The following NUP98 variants were observed in gnomAD, a reference collection of about 807,000 sequenced individuals.
NUP98 encodes the protein nuclear pore complex protein Nup98-Nup96.
In NUP98, 26 loss-of-function variants were observed where a neutral mutation model predicts 191.9. The ratio of observed to expected loss-of-function variants is 0.14; its 90% CI spans 0.10 to 0.19. The LOEUF (loss-of-function observed/expected upper bound fraction) is 0.19, where lower values mean the gene tolerates loss of function less well. NUP98 is among the 10% of genes least tolerant of loss of function. NUP98 has a pLI of 1.00. For missense variants in NUP98, 1,941 were observed against 2,178.8 expected, an observed-to-expected ratio of 0.89 and a Z score of 2.17; for synonymous variants, 808 against 778.4, an observed-to-expected ratio of 1.04 and a Z score of -0.63.
In NUP98 at chr11:3,676,305, C is replaced by T. The variant is rs755770462; in HGVS notation, c.5257G>A (p.Asp1753Asn). The T allele has an allele frequency of 3.7e-5, 60 of 1,614,036 alleles. No homozygotes were observed. The highest frequency in any genetic ancestry group is 3.6e-4 in the South Asian group (33 of 91,076). Residue 1753 changes from aspartate to asparagine, a missense_variant, in exon 33 of 33, where the codon GAC becomes AAC. By Grantham distance (23) the Asp-to-Asn change is conservative. Transcript: ENST00000324932. ...ACTCGCTGAGGGTCTGGTGTTGAGTCGGAGGTTCTATCAGGAGGATGATGC... is the reference window on the plus strand; with the variant it reads ...ACTCGCTGAGGGTCTGGTGTTGAGTTGGAGGTTCTATCAGGAGGATGATGC... The part of the protein sequence containing the change: ...SLHHPPDRTS[D>N]STPDPQRVPL...
chr11:3,690,840 C>A (rs1286650423), intron 28 of NUP98, among the ~76,000 whole-genome samples: 1 of 151,848 alleles, frequency 6.6e-6, no homozygotes, highest in South Asian at 2.1e-4. Context: ...TGTACCCCCG[C>A]TAAAAAAAAC....
intron 6 of NUP98, among the ~76,000 whole-genome samples, chr11:3,772,150 A>G (rs2081551678): frequency 1.3e-5 from 2 of 152,198 alleles, no homozygotes; most frequent in Admixed American, 6.5e-5. Flanking sequence ...CCAAAGAGTC[A>G]ATATCTTAAT....
At chr11:3,739,306 G>A (rs1035247649) in intron 12 of NUP98, among the ~76,000 whole-genome samples, 7 of 152,166 alleles carry the variant, frequency 4.6e-5, no homozygotes, top group African/African-American at 1.7e-4. Flanking sequence ...CTGGAGCGCA[G>A]TAGCGCGATC....
rs1265140405 is a variant in NUP98 at position 3,735,230 on chromosome 11, G to C, written c.1503C>G (p.Leu501=). 1 of 1,601,000 alleles carries C rather than the reference G, an allele frequency of 6.2e-7. No homozygotes were observed. The highest frequency in any genetic ancestry group is 8.5e-7 in the Non-Finnish European group (1 of 1,171,888). The change falls in exon 13 of 33, where the codon CTC becomes CTG. Residue 501 remains leucine, a synonymous_variant. Transcript: ENST00000324932. The part of the protein sequence containing the change: ...LTYSPFGDSP[L]FRNPMSDPKK... ...TAGGGTCTGACATCGGATTCCGGAA[G>C]AGAGGAGAGTCTCCAAAAGGTGAGT...
Position 3,702,427 on chromosome 11 carries a change from T to C in NUP98, c.3512+36A>G. The C allele has an allele frequency of 3.2e-6, 5 of 1,584,234 alleles. No individual in the cohort carries two copies. The South Asian group carries it at 5.6e-5, about 18-fold the overall frequency. On this transcript the variant is annotated intron_variant, in intron 23 of 32. Transcript: ENST00000324932. ...GATTAGTTTTTTTCACCTATCATGT[T>C]GCCTTTCTCAAAAAGCATCAAGAAA...
At chr11:3,740,809 A>AATAT (rs1044566768) in intron 12 of NUP98, among the ~76,000 whole-genome samples, 1 of 149,728 alleles carries the variant, frequency 6.7e-6, no homozygotes, top group African/African-American at 2.4e-5. Context: ...TTTAAATATA[A>AATAT]ATATATATAT....
intron 8 of NUP98, among the ~76,000 whole-genome samples, chr11:3,763,959 TTGC>T (rs2081258099): frequency 6.6e-6 from 1 of 152,228 alleles, no homozygotes; most frequent in African/African-American, 2.4e-5. Context: ...GCTAATAGAC[TTGC>T]TGAATAGGGA....
intron 14 of NUP98, among the ~76,000 whole-genome samples, chr11:3,730,253 C>G (rs2079793070): frequency 6.6e-6 from 1 of 152,018 alleles, no homozygotes; most frequent in African/African-American, 2.4e-5. Context: ...AAATAAAATG[C>G]TAGGACAGAC....
At chr11:3,771,660 A>G in intron 7 of NUP98, 88 bp downstream of exon 7, 1 of 1,155,192 alleles carries the variant, frequency 8.7e-7, no homozygotes. Flanking sequence ...ATTTTTCTCC[A>G]TAGCACTTAT....
intron 18 of NUP98, among the ~76,000 whole-genome samples, chr11:3,715,790 A>AAT (rs1554890551): frequency 6.6e-6 from 1 of 151,246 alleles, no homozygotes; most frequent in Admixed American, 6.6e-5. Context: ...ACTACTTAAA[A>AAT]TTTTTTTTTG....
intron 1 of NUP98, among the ~76,000 whole-genome samples, chr11:3,789,495 C>G (rs1013850286): frequency 5.5e-5 from 8 of 146,436 alleles, no homozygotes. Context: ...ATTCATTTAC[C>G]TATTTCTTTT....
rs2081717691 is a variant in NUP98 at position 3,776,123 on chromosome 11, T to C, written c.356-102A>G. On this transcript the variant is annotated intron_variant, in intron 4 of 32. Coordinates refer to ENST00000324932, the MANE Select transcript of NUP98 (RefSeq NM_016320.5). Reference sequence around the variant, plus strand: ...TGGCACTAGCATCACAGTACTTCATTTTTTTTTTTTTTTTTTGAGACAGGG... The same window carrying C: ...TGGCACTAGCATCACAGTACTTCATCTTTTTTTTTTTTTTTTGAGACAGGG... 7 of 385,880 alleles carry C rather than the reference T, an allele frequency of 1.8e-5. No individual in the cohort carries two copies. In the South Asian group the frequency reaches 2.6e-4, roughly 14 times the overall value. 23.9% of individuals were successfully genotyped at this position (385,880 alleles called of 1,614,324 possible). A position where few individuals can be genotyped will look rare whatever the true frequency, so the allele number is the denominator to read the frequency against.
Position 3,725,178 on chromosome 11 carries a change from C to T in NUP98, c.1772G>A (p.Ser591Asn). The T allele has an allele frequency of 2.5e-6, 4 of 1,598,442 alleles. No homozygotes were observed. Among genetic ancestry groups the T allele is most frequent in the Non-Finnish European group, 3.4e-6 (4 of 1,167,580 alleles). ...KKLVLKNLNNSNLFSPVNRDS... is the reference protein window; with the variant it reads ...KKLVLKNLNNNNLFSPVNRDS... ...ACGATTAACAGGAGAAAAGAGATTGCTATTATTAAGGTTCTTCAAAACCAA... is the reference window on the plus strand; with the variant it reads ...ACGATTAACAGGAGAAAAGAGATTGTTATTATTAAGGTTCTTCAAAACCAA... The change falls in exon 15 of 33, where the codon AGC becomes AAC. Residue 591 changes from serine to asparagine, a missense_variant. Physicochemically the swap from Ser to Asn is conservative, Grantham distance 46 (BLOSUM62 1). Transcript: ENST00000324932.
At chr11:3,679,508 G>A (rs768359792) in intron 31 of NUP98, 46 bp downstream of exon 31, 3 of 1,609,812 alleles carry the variant, frequency 1.9e-6, no homozygotes, top group South Asian at 2.2e-5. Context: ...AGATTTAAGG[G>A]CCTGAGAAAA....
chr11:3,765,703 A>G (rs943005020), intron 8 of NUP98, among the ~76,000 whole-genome samples: 1 of 151,896 alleles, frequency 6.6e-6, no homozygotes, highest in African/African-American at 2.4e-5. Context: ...CAGGAGACCA[A>G]GGCAGGAGAA....
Position 3,676,265 on chromosome 11 carries a change from A to C in NUP98, c.5297T>G (p.Leu1766Trp). The C allele has an allele frequency of 6.2e-7, 1 of 1,614,200 alleles. No individual in the cohort carries two copies. The change falls in exon 33 of 33, where the codon TTG (leucine) becomes TGG (tryptophan). Residue 1766 changes from leucine (L) to tryptophan (W), a missense_variant. This residue lies in a region of NUP98 where 1,030 missense variants were observed against 1,115.8 expected (regional missense o/e 0.92). Transcript: ENST00000324932. ...PDPQRVPLRL[L>W]APHIGRLPMP... is the part of the protein sequence containing the mutation. ...GGGAAGCCGGCCAATGTGGGGAGCC[A>C]AGAGGCGCAAAGGGACTCGCTGAGG...
At chr11:3,794,222 C>G (rs1176364620) in intron 1 of NUP98, among the ~76,000 whole-genome samples, 1 of 152,220 alleles carries the variant, frequency 6.6e-6, no homozygotes, top group African/African-American at 2.4e-5. Flanking sequence ...TAGAGCCATA[C>G]TGTGCCAAAT....
intron 23 of NUP98, among the ~76,000 whole-genome samples, chr11:3,701,930 G>A (rs898807569): frequency 3.3e-5 from 5 of 151,354 alleles, no homozygotes; most frequent in Non-Finnish European, 5.9e-5. Flanking sequence ...CTCGTGATCC[G>A]CCCATCTTGG....
intron 19 of NUP98, 136 bp downstream of exon 19, chr11:3,713,682 G>T: frequency 4.9e-6 from 4 of 812,448 alleles, no homozygotes; most frequent in Non-Finnish European, 5.7e-6. Flanking sequence ...TCCCACCATT[G>T]TACTCCAGCC....
Sources: gnomAD v4.1 joint callset for allele counts (sites outside exome capture counted in the v4.1 genomes callset) on GRCh38, gnomAD v4.1.1 for gene constraint, gnomAD v4.1.1 regional missense constraint, MANE v1.5 for transcripts, NCBI Gene and HGNC (gene_info 2026-07-23, HGNC 2026-07-21) for gene names.